ATF7IP2: variants seen among roughly 807,000 people sequenced by gnomAD.
ATF7IP2 encodes the protein activating transcription factor 7 interacting protein 2.
Under a neutral mutation model 64.2 loss-of-function variants are expected in ATF7IP2, and 42 were observed. The observed-to-expected ratio is 0.65, with a 90% confidence interval of 0.51 to 0.85. The LOEUF is 0.85. ATF7IP2 is among the 40% of genes least tolerant of loss of function. The pLI, the probability that ATF7IP2 is intolerant of heterozygous loss-of-function variation, is 0.00. For synonymous variants in ATF7IP2, 308 were observed against 272.8 expected, an observed-to-expected ratio of 1.13 and a Z score of -1.27; for missense variants, 933 against 784.2, an observed-to-expected ratio of 1.19 and a Z score of -2.27.
At chr16:10,437,691 A>G (rs927849230) in intron 6 of ATF7IP2, among the ~76,000 whole-genome samples, 1 of 152,252 alleles carries the variant, frequency 6.6e-6, no homozygotes, top group East Asian at 1.9e-4. Context: ...CTACAGACCA[A>G]CCAACCATTT....
chr16:10,480,309 A>G (rs1173718002), intron 12 of ATF7IP2, among the ~76,000 whole-genome samples: 1 of 151,844 alleles, frequency 6.6e-6, no homozygotes, highest in Non-Finnish European at 1.5e-5. Flanking sequence ...TCTTTTGCCT[A>G]CTTGTACCTT....
rs763026987 is a variant in ATF7IP2 at position 10,438,180 on chromosome 16, G to A, written c.1040G>A (p.Arg347His). 15 of 1,606,142 alleles carry A rather than the reference G, an allele frequency of 9.3e-6. No individual in the cohort carries two copies. The highest frequency in any genetic ancestry group is 5.6e-5 in the South Asian group (5 of 89,770). Residue 347 changes from arginine to histidine, a missense_variant, in exon 7 of 14, where the codon CGC becomes CAC. Physicochemically the swap from Arg to His is conservative, Grantham distance 29. Coordinates refer to ENST00000562102, the MANE Select transcript of ATF7IP2 (RefSeq NM_001393719.1). ...FDKKLKELNQ[R>H]IGKTECRNKH... ...AAGAAACTGAAAGAATTGAACCAACGCATTGGGAAGACAGAGTGCAGAAAT... is the reference window on the plus strand; with the variant it reads ...AAGAAACTGAAAGAATTGAACCAACACATTGGGAAGACAGAGTGCAGAAAT...
chr16:10,479,958 C>CTTTTTTTTTTTTTTTTTTTTT (rs201158427), intron 12 of ATF7IP2, among the ~76,000 whole-genome samples: 1 of 80,568 alleles, frequency 1.2e-5, no homozygotes, highest in Non-Finnish European at 2.4e-5. Context: ...ACTGGAAATA[C>CTTTTTTTTTTTTTTTTTTTTT]TTTTTTTTTT....
intron 12 of ATF7IP2, among the ~76,000 whole-genome samples, chr16:10,477,471 G>A (rs957694456): frequency 7.9e-5 from 12 of 152,002 alleles, no homozygotes; most frequent in South Asian, 4.2e-4. Context: ...TTGATGGGAC[G>A]TATCTCAAAA....
At chr16:10,420,368 A>G (rs1347278962) in intron 3 of ATF7IP2, among the ~76,000 whole-genome samples, 1 of 152,230 alleles carries the variant, frequency 6.6e-6, no homozygotes. Context: ...GGTGACATCC[A>G]TTTGCCAAAG....
intron 6 of ATF7IP2, among the ~76,000 whole-genome samples, chr16:10,435,992 A>G (rs35966738): frequency 0.15 from 23,366 of 152,112 alleles, 2,014 homozygotes; most frequent in African/African-American, 0.23. Context: ...CACATATTGA[A>G]CCCAGCCAGT....
chr16:10,397,601 G>A (rs1297251041), intron 1 of ATF7IP2, among the ~76,000 whole-genome samples: 2 of 152,188 alleles, frequency 1.3e-5, no homozygotes, highest in African/African-American at 4.8e-5. Context: ...AATGGGCTGG[G>A]CGTGGTGGCT....
intron 3 of ATF7IP2, among the ~76,000 whole-genome samples, chr16:10,419,926 A>G (rs188958688): frequency 2.6e-5 from 4 of 152,350 alleles, no homozygotes; most frequent in Admixed American, 2.6e-4. Flanking sequence ...GTTTCTGTAG[A>G]TGCTGTTCAG....
rs556655016 is a variant in ATF7IP2, at chr16:10,453,226, G to A, written c.1195-4146G>A. The stretch of plus-strand genomic sequence containing the variant: ...CCAGGGCCGTGGTAGCATAGGCACC[G>A]GAGGGAATCTCCTGGTCTGTGGGTT... On this transcript the variant is annotated intron_variant, in intron 8 of 13. Transcript: ENST00000562102. Among the ~76,000 whole-genome samples, 34 of 152,292 alleles carry A rather than the reference G, an allele frequency of 2.2e-4. 1 individual carries two copies. In the South Asian group the frequency reaches 3.3e-3, roughly 15 times the overall value.
rs17672497 is a variant in ATF7IP2, at chr16:10,482,441, A to G, written c.*192A>G. ...GGTTTGTATTAAATATGTCCTTCCA[A>G]TGGATAAGTTCTAAAACATACGCTA... On this transcript the variant is annotated 3_prime_UTR_variant, in exon 14 of 14. Coordinates refer to ENST00000562102, the MANE Select transcript of ATF7IP2 (RefSeq NM_001393719.1). The G allele has an allele frequency of 0.034, 16,774 of 496,428 alleles. 457 individuals are homozygous for G. Among genetic ancestry groups the G allele is most frequent in the Non-Finnish European group, 0.042 (11,834 of 283,850 alleles). 30.8% of individuals were successfully genotyped at this position (496,428 alleles called of 1,614,324 possible).
Position 10,395,186 on chromosome 16 carries a change from A to G in ATF7IP2, c.-242+9064A>G, listed in dbSNP as rs369752855. 1.3e-4 allele frequency among the ~76,000 whole-genome samples: 20 copies of G among 152,238 alleles called. No individual in the cohort carries two copies. The East Asian group carries it at 3.5e-3, about 26-fold the overall frequency. ...AAAAAAAAAATTATAAGGGAATACT[A>G]TAGAATAATTCCAATTGTATGGTAC... On this transcript the variant is annotated intron_variant, in intron 1 of 13. Transcript: ENST00000562102.
chr16:10,457,264 T>C, intron 8 of ATF7IP2, 108 bp from the exon 9 acceptor site: 1 of 903,756 alleles, frequency 1.1e-6, no homozygotes, highest in Non-Finnish European at 1.7e-6. Flanking sequence ...TGATTTAACT[T>C]ATGTTTTGCC....
Position 10,472,132 on chromosome 16 carries a change from A to C in ATF7IP2, c.1375A>C (p.Ile459Leu). Residue 459 changes from isoleucine (I) to leucine (L), a missense_variant, in exon 10 of 14, where the codon ATT becomes CTT. Transcript: ENST00000562102. ...SESNNDDVML[I>L]SVESPNLTTP... The stretch of plus-strand genomic sequence containing the variant: ...TAGTAACAATGATGATGTTATGTTG[A>C]TTTCTGTGGAAAGTCCTAATTTGAC... 1 of 1,568,224 alleles carries C rather than the reference A, an allele frequency of 6.4e-7. No homozygotes were observed. The highest frequency in any genetic ancestry group is 8.7e-7 in the Non-Finnish European group (1 of 1,149,602).
At chr16:10,390,594 T>C (rs2047302086) in intron 1 of ATF7IP2, among the ~76,000 whole-genome samples, 3 of 152,158 alleles carry the variant, frequency 2.0e-5, no homozygotes, top group African/African-American at 7.2e-5. Context: ...CCCACCTGGG[T>C]AACATTACAC....
intron 12 of ATF7IP2, among the ~76,000 whole-genome samples, chr16:10,475,006 A>G (rs904462076): frequency 6.6e-6 from 1 of 152,176 alleles, no homozygotes; most frequent in Admixed American, 6.5e-5. Flanking sequence ...ACATAGGGAA[A>G]CCCCATCTCT....
chr16:10,416,400 C>T (rs2047878700), intron 2 of ATF7IP2, among the ~76,000 whole-genome samples: 1 of 152,098 alleles, frequency 6.6e-6, no homozygotes, highest in Non-Finnish European at 1.5e-5. Context: ...AAAATTAAAA[C>T]ATTTGAATTT....
At chr16:10,419,076 C>T (rs1466751361) in intron 2 of ATF7IP2, among the ~76,000 whole-genome samples, 1 of 151,270 alleles carries the variant, frequency 6.6e-6, no homozygotes, top group African/African-American at 2.4e-5. Flanking sequence ...CAAACAAGTA[C>T]GTTCATTTTT....
intron 2 of ATF7IP2, among the ~76,000 whole-genome samples, chr16:10,415,406 G>T (rs1250353961): frequency 6.6e-6 from 1 of 152,144 alleles, no homozygotes; most frequent in Non-Finnish European, 1.5e-5. Flanking sequence ...AAATGGTGCT[G>T]GGAAAACTGG....
At chr16:10,435,131 G>T (rs1177802324) in intron 6 of ATF7IP2, among the ~76,000 whole-genome samples, 1 of 152,132 alleles carries the variant, frequency 6.6e-6, no homozygotes, top group Non-Finnish European at 1.5e-5. Flanking sequence ...ACTTCTTATT[G>T]CTGTCCAAAC....
Sources: allele counts gnomAD v4.1 joint callset (sites outside exome capture counted in the v4.1 genomes callset), GRCh38; gene constraint gnomAD v4.1.1; transcripts MANE v1.5; gene names NCBI Gene and HGNC (gene_info 2026-07-23, HGNC 2026-07-21).